The following TMEM9 variants were observed in gnomAD, a reference collection of about 807,000 sequenced individuals.
The protein encoded by TMEM9 is transmembrane protein 9, also known as proton-transporting V-type ATPase complex assembly regulator TMEM9.
A neutral mutation model predicts 22.8 loss-of-function variants in TMEM9; 13 were observed. That is an observed-to-expected ratio of 0.57 (90% CI 0.37 to 0.91). The LOEUF is 0.91. TMEM9 is among the 40% of genes least tolerant of loss of function. The pLI is 0.01. For missense variants in TMEM9, 182 were observed against 238.1 expected (o/e 0.76, Z 1.55); for synonymous variants, 88 against 93.0 (o/e 0.95, Z 0.31).
At chr1:201,145,747 G>C (rs1009354961) in intron 3 of TMEM9, 3 of 152,254 alleles carry the variant, frequency 2.0e-5, no homozygotes, top group Non-Finnish European at 2.9e-5. Context: ...CAGTGCTTGA[G>C]GCCAGGAGTT....
At chr1:201,145,043 A>G (rs1475426071) in intron 3 of TMEM9, 1 of 152,290 alleles carries the variant, frequency 6.6e-6, no homozygotes, top group Admixed American at 6.5e-5. Context: ...CCACTGGACC[A>G]ATGTCCCACC....
Position 201,151,746 on chromosome 1 carries a change from C to T in TMEM9, c.158+15G>A, listed in dbSNP as rs748704567. The T allele has an allele frequency of 4.3e-5, 69 of 1,603,336 alleles. No homozygotes were observed. The highest frequency in any genetic ancestry group is 5.4e-5 in the African/African-American group (4 of 74,698). ...ACTGGGTATAGCAGCCAGGGGCCTG[C>T]GTGTAATGCCTTACCAGTCCTTCTG... On this transcript the variant is annotated intron_variant, in intron 2 of 4. Coordinates refer to ENST00000367330, the MANE Select transcript of TMEM9 (RefSeq NM_001288565.2).
intron 4 of TMEM9, among the ~76,000 whole-genome samples, chr1:201,141,233 T>C (rs1664492445): frequency 6.6e-6 from 1 of 152,232 alleles, no homozygotes; most frequent in Non-Finnish European, 1.5e-5. Flanking sequence ...TGCCAGCCTT[T>C]ACGTTTCCTG....
intron 3 of TMEM9, 101 bp downstream of exon 3, chr1:201,146,639 G>T: frequency 8.0e-7 from 1 of 1,257,232 alleles, no homozygotes; most frequent in Non-Finnish European, 1.2e-6. Context: ...ATAGCCATTG[G>T]GACATTCCAG....
chr1:201,166,275 G>C (rs576151569), intron 1 of TMEM9, among the ~76,000 whole-genome samples: 17 of 151,678 alleles, frequency 1.1e-4, no homozygotes, highest in Non-Finnish European at 2.2e-4. Flanking sequence ...GCCCCAGTTA[G>C]TTGGTCACTA....
rs2102281525 is a variant in TMEM9, at chr1:201,153,677, C to T, written c.66+181G>A. ...GCCCCACCCTTCCTCACTCCTCACC[C>T]GCACTATCCTTAGGGAGGCCAGCAG... On this transcript the variant is annotated intron_variant, in intron 1 of 4. Transcript: ENST00000367330. 8 of 1,437,302 alleles carry T rather than the reference C, an allele frequency of 5.6e-6. No homozygotes were observed. The South Asian group carries it at 8.8e-5, about 16-fold the overall frequency. The allele number at this position is 1,437,302 out of a possible 1,614,324, so 89.0% of individuals were successfully genotyped here. A position where few individuals can be genotyped will look rare whatever the true frequency, so the allele number is the denominator to read the frequency against.
chr1:201,135,334 T>C lies in TMEM9; in HGVS notation c.*329A>G, dbSNP rs1223319121. On this transcript the variant is annotated 3_prime_UTR_variant, in exon 5 of 5. Transcript: ENST00000367330. ...TAACAACATTCCCAAGACTCAGAGCTGGAAGGCGGCAAGAGTGGAGCCAGG... is the reference window on the plus strand; with the variant it reads ...TAACAACATTCCCAAGACTCAGAGCCGGAAGGCGGCAAGAGTGGAGCCAGG... The C allele has an allele frequency of 4.8e-6, 1 of 208,518 alleles. No homozygotes were observed. Among genetic ancestry groups the C allele is most frequent in the African/African-American group, 2.3e-5 (1 of 43,654 alleles). The allele number at this position is 208,518 out of a possible 1,614,324, so 12.9% of individuals were successfully genotyped here.
chr1:201,153,843 GCTCACCTCC>G lies in TMEM9; in HGVS notation c.66+6_66+14del. On this transcript the variant is annotated splice_donor_region_variant and intron_variant, in intron 1 of 4. Transcript: ENST00000367330. The stretch of plus-strand genomic sequence containing the variant: ...CTGTGGTCGTGACCAGGTGCTGCAG[GCTCACCTCC>G]CTCACCTTGTTGGCTTCAGCTGGGG... 6.2e-7 allele frequency: 1 copy of G among 1,614,132 alleles called. No homozygotes were observed. Among genetic ancestry groups the G allele is most frequent in the Non-Finnish European group, 8.5e-7 (1 of 1,180,004 alleles).
rs1045400971 is a variant in TMEM9, at chr1:201,160,885, G to A, written c.-36-6926C>T. On this transcript the variant is annotated intron_variant, in intron 1 of 5. Transcript: ENST00000367333. ...CGGGAGGCGGAGCTTGCAGTGAGCC[G>A]AGATCATGCCACTGCACTCCAGCCT... 1.3e-4 allele frequency among the ~76,000 whole-genome samples: 20 copies of A among 150,110 alleles called. No individual in the cohort carries two copies. In the South Asian group the frequency reaches 1.5e-3, roughly 11 times the overall value.
Position 201,135,250 on chromosome 1 carries a change from G to A in TMEM9, c.*413C>T, listed in dbSNP as rs1294005622. 1 of 155,340 alleles carries A rather than the reference G, an allele frequency of 6.4e-6. No homozygotes were observed. The highest frequency in any genetic ancestry group is 1.4e-5 in the Non-Finnish European group (1 of 70,200). 9.6% of individuals were successfully genotyped at this position (155,340 alleles called of 1,614,324 possible). A position where few individuals can be genotyped will look rare whatever the true frequency, so the allele number is the denominator to read the frequency against. ...CAGAAAGGAACACATGCTGAATGCT[G>A]GGCCATGCTTTCCTCCCAGACACTG... On this transcript the variant is annotated 3_prime_UTR_variant, in exon 5 of 5. Coordinates refer to ENST00000367330, the MANE Select transcript of TMEM9 (RefSeq NM_001288565.2).
At chr1:201,137,234 T>C (rs945336382) in intron 4 of TMEM9, among the ~76,000 whole-genome samples, 1 of 150,140 alleles carries the variant, frequency 6.7e-6, no homozygotes, top group Non-Finnish European at 1.5e-5. Flanking sequence ...GTTCTGTTCC[T>C]GGGCTGGGGA....
At chr1:201,162,506 T>C (rs555046337) in intron 1 of TMEM9, among the ~76,000 whole-genome samples, 4 of 145,636 alleles carry the variant, frequency 2.7e-5, no homozygotes, top group African/African-American at 1.0e-4. Flanking sequence ...TTTCAATGAA[T>C]GGTGCCGGAA....
rs1009699886 is a variant in TMEM9 at position 201,163,889 on chromosome 1, G to GA, written c.-37+7600dup. ...ATTGCACTCCTGGGCATTTAGCCTA[G>GA]AAAAAAGAAGACTTATGTTCACATA... On this transcript the variant is annotated intron_variant, in intron 1 of 5. Transcript: ENST00000367333. Among the ~76,000 whole-genome samples the GA allele has an allele frequency of 7.9e-5, 12 of 152,166 alleles. No individual in the cohort carries two copies. The South Asian group carries it at 8.3e-4, about 11-fold the overall frequency.
At chr1:201,144,743 G>A (rs1367704292) in intron 3 of TMEM9, 1 of 152,116 alleles carries the variant, frequency 6.6e-6, no homozygotes, top group Non-Finnish European at 1.5e-5. Context: ...CTGTTATTGG[G>A]ACCACAAAAG....
At chr1:201,142,133 T>C (rs1184782793) in intron 4 of TMEM9, among the ~76,000 whole-genome samples, 1 of 152,174 alleles carries the variant, frequency 6.6e-6, no homozygotes, top group African/African-American at 2.4e-5. Flanking sequence ...TCCCAGGCCC[T>C]AGCTCCAATG....
intron 1 of TMEM9, among the ~76,000 whole-genome samples, chr1:201,163,768 A>G (rs192190285): frequency 1.3e-4 from 20 of 152,230 alleles, no homozygotes; most frequent in African/African-American, 4.8e-4. Context: ...TCACTCATAC[A>G]TTGCTGGTGG....
At chr1:201,159,593 T>TA (rs1290401199) in intron 1 of TMEM9, among the ~76,000 whole-genome samples, 1 of 119,712 alleles carries the variant, frequency 8.4e-6, no homozygotes, top group African/African-American at 3.0e-5. Flanking sequence ...TTTTTTTTTT[T>TA]AAAGAGATGA....
At chr1:201,160,793 G>A (rs1665923336) in intron 1 of TMEM9, among the ~76,000 whole-genome samples, 6 of 151,674 alleles carry the variant, frequency 4.0e-5, no homozygotes, top group Middle Eastern at 3.4e-3. Flanking sequence ...AAAATGAGCC[G>A]GGCGTGGTCG....
At chr1:201,162,802 A>G (rs1665976860) in intron 1 of TMEM9, among the ~76,000 whole-genome samples, 1 of 152,164 alleles carries the variant, frequency 6.6e-6, no homozygotes, top group South Asian at 2.1e-4. Context: ...GAAAGAAAAT[A>G]TTTGCACATG....
Sources: gnomAD v4.1 joint callset for allele counts (sites outside exome capture counted in the v4.1 genomes callset) on GRCh38, gnomAD v4.1.1 for gene constraint, MANE v1.5 for transcripts, NCBI Gene and HGNC (gene_info 2026-07-23, HGNC 2026-07-21) for gene names.